The following ROBO1 variants were observed in gnomAD, a reference collection of about 807,000 sequenced individuals.
The protein encoded by ROBO1 is roundabout guidance receptor 1, also known as roundabout homolog 1.
In ROBO1, 149 loss-of-function variants were observed where a neutral mutation model predicts 195.9. That is an observed-to-expected ratio of 0.76 (90% confidence interval 0.67 to 0.87). ROBO1 has a LOEUF of 0.87. Ranked by LOEUF, ROBO1 falls within the 40% of genes least tolerant of loss-of-function variation. The probability of loss-of-function intolerance (pLI) is 0.00; values close to 1 mark genes in which losing one functional copy is unlikely to be tolerated. For synonymous variants in ROBO1, 816 were observed against 733.2 expected (o/e 1.11, Z -1.82); for missense variants, 1,933 against 2,068.3 (o/e 0.93, Z 1.27).
chr3:78,875,843 A>G (rs953003217), intron 4 of ROBO1, among the ~76,000 whole-genome samples: 12 of 152,104 alleles, frequency 7.9e-5, no homozygotes, highest in Non-Finnish European at 1.5e-4. Flanking sequence ...TAAAAGAAAA[A>G]GGAGTTATTA....
At chr3:78,898,770 CAT>C (rs1244943547) in intron 4 of ROBO1, among the ~76,000 whole-genome samples, 7 of 152,044 alleles carry the variant, frequency 4.6e-5, no homozygotes. Context: ...TGGAAGTCCA[CAT>C]ATATTTAAAT....
At chr3:78,686,770 C>A (rs1372917177) in intron 9 of ROBO1, among the ~76,000 whole-genome samples, 1 of 152,042 alleles carries the variant, frequency 6.6e-6, no homozygotes, top group Non-Finnish European at 1.5e-5. Context: ...GTTAGCTATC[C>A]ATCATAAAAG....
intron 2 of ROBO1, among the ~76,000 whole-genome samples, chr3:79,341,248 G>A (rs896525538): frequency 1.3e-5 from 2 of 152,090 alleles, no homozygotes; most frequent in African/African-American, 4.8e-5. Context: ...TCAGGAAATG[G>A]CTACTTTAAA....
In ROBO1 at chr3:78,971,687, C is replaced by A. The variant is rs532261433; in HGVS notation, c.173-32760G>T. ...ATGGACAAATAAAAGAGCTTCTATG[C>A]AATAGTATGAGTTAGATAAAAAATC... On this transcript the variant is annotated intron_variant, in intron 3 of 30. Transcript: ENST00000464233. Among the ~76,000 whole-genome samples, 5 of 152,244 alleles carry A rather than the reference C, an allele frequency of 3.3e-5. No homozygotes were observed. In the South Asian group the frequency reaches 6.2e-4, roughly 19 times the overall value.
At chr3:78,641,677 A>G (rs1172600505) in intron 21 of ROBO1, among the ~76,000 whole-genome samples, 1 of 152,198 alleles carries the variant, frequency 6.6e-6, no homozygotes, top group Non-Finnish European at 1.5e-5. Flanking sequence ...CATATGTGAC[A>G]CAGCAGAGAT....
chr3:78,911,781 T>C (rs1321344212), intron 4 of ROBO1, among the ~76,000 whole-genome samples: 1 of 151,962 alleles, frequency 6.6e-6, no homozygotes, highest in African/African-American at 2.4e-5. Flanking sequence ...AGAACTACAG[T>C]TTTCAATATA....
chr3:79,693,418 T>C (rs1473348398), intron 1 of ROBO1, among the ~76,000 whole-genome samples: 1 of 149,860 alleles, frequency 6.7e-6, no homozygotes. Flanking sequence ...TGTGTGTGTG[T>C]GTGTCCTTGT....
intron 4 of ROBO1, among the ~76,000 whole-genome samples, chr3:78,840,443 C>A (rs182586688): frequency 3.7e-4 from 56 of 152,200 alleles, no homozygotes; most frequent in African/African-American, 1.2e-3. Context: ...AAGTGCCATG[C>A]ATGAGTATAA....
intron 3 of ROBO1, among the ~76,000 whole-genome samples, chr3:79,062,472 A>G (rs2078936351): frequency 6.6e-6 from 1 of 152,122 alleles, no homozygotes; most frequent in Admixed American, 6.5e-5. Flanking sequence ...TAGAAATACC[A>G]TTTGACCCAG....
chr3:79,299,721 A>G (rs1195803834), intron 2 of ROBO1, among the ~76,000 whole-genome samples: 2 of 152,148 alleles, frequency 1.3e-5, no homozygotes, highest in Admixed American at 6.5e-5. Context: ...AATCTTTCCA[A>G]TTCAATGAAA....
chr3:78,743,073 C>T (rs1251605131), intron 5 of ROBO1, among the ~76,000 whole-genome samples: 6 of 152,192 alleles, frequency 3.9e-5, no homozygotes, highest in East Asian at 1.9e-4. Flanking sequence ...CACAAGCATA[C>T]ACACAAAATA....
intron 1 of ROBO1, among the ~76,000 whole-genome samples, chr3:79,615,501 C>T (rs1443557057): frequency 2.6e-5 from 4 of 152,124 alleles, no homozygotes; most frequent in South Asian, 4.1e-4. Context: ...ACGTACTTAG[C>T]CTTGGCAACA....
chr3:79,431,380 G>A (rs1276744845), intron 2 of ROBO1, among the ~76,000 whole-genome samples: 1 of 152,082 alleles, frequency 6.6e-6, no homozygotes, highest in Non-Finnish European at 1.5e-5. Context: ...CACCGTGCAA[G>A]TGGTCCCCCA....
At chr3:79,362,035 T>A (rs1327574126) in intron 2 of ROBO1, among the ~76,000 whole-genome samples, 1 of 152,046 alleles carries the variant, frequency 6.6e-6, no homozygotes, top group Admixed American at 6.5e-5. Context: ...TGAATCTACA[T>A]CACACATACG....
intron 1 of ROBO1, among the ~76,000 whole-genome samples, chr3:79,614,511 C>G (rs745387745): frequency 6.6e-6 from 1 of 151,938 alleles, no homozygotes; most frequent in Non-Finnish European, 1.5e-5. Context: ...GTGTGCTTAG[C>G]GATGCCTCAT....
chr3:79,517,628 T>C (rs866006461), intron 2 of ROBO1, among the ~76,000 whole-genome samples: 1 of 152,188 alleles, frequency 6.6e-6, no homozygotes, highest in East Asian at 1.9e-4. Flanking sequence ...GCCCAGATCA[T>C]CTTTGTTTAC....
At chr3:79,040,307 C>CA (rs544883356) in intron 3 of ROBO1, among the ~76,000 whole-genome samples, 101 of 152,136 alleles carry the variant, frequency 6.6e-4, no homozygotes, top group African/African-American at 2.4e-3. Flanking sequence ...TCTAACATCA[C>CA]AAAAAATGTT....
chr3:78,781,783 T>C (rs982258132), intron 4 of ROBO1, among the ~76,000 whole-genome samples: 12 of 152,222 alleles, frequency 7.9e-5, no homozygotes, highest in Admixed American at 2.6e-4. Context: ...TAACAATATG[T>C]ATTTTTAATC....
chr3:79,261,291 G>A (rs956298313), intron 2 of ROBO1, among the ~76,000 whole-genome samples: 1 of 151,922 alleles, frequency 6.6e-6, no homozygotes, highest in African/African-American at 2.4e-5. Flanking sequence ...AACATTTATT[G>A]TATTTTGCTT....
Sources: gnomAD v4.1 joint callset for allele counts (sites outside exome capture counted in the v4.1 genomes callset) on GRCh38, gnomAD v4.1.1 for gene constraint, MANE v1.5 for transcripts, NCBI Gene and HGNC (gene_info 2026-07-23, HGNC 2026-07-21) for gene names.